The following NAV3 variants were observed in gnomAD, a reference collection of about 807,000 sequenced individuals.
The protein encoded by NAV3 is neuron navigator 3, also known as pore membrane and/or filament interacting like protein 1.
In NAV3, 87 loss-of-function variants were observed where a neutral mutation model predicts 244.7. That is an observed-to-expected ratio of 0.36 (90% confidence interval 0.30 to 0.42). NAV3 has a LOEUF of 0.42. Among genes scored for constraint, NAV3 ranks in the 20% least tolerant of loss-of-function variants. The pLI is 1.00. For synonymous variants in NAV3, 1,126 were observed against 1,042.2 expected, an observed-to-expected ratio of 1.08 and a Z score of -1.55; for missense variants, 2,663 against 2,893.3, an observed-to-expected ratio of 0.92 and a Z score of 1.83.
At chr12:78,194,665 G>A (rs147649653) in intron 34 of NAV3, among the ~76,000 whole-genome samples, 1 of 152,146 alleles carries the variant, frequency 6.6e-6, no homozygotes, top group Non-Finnish European at 1.5e-5. Flanking sequence ...GCCAAAAGGA[G>A]ATGTCCAGCG....
intron 2 of NAV3, among the ~76,000 whole-genome samples, chr12:77,687,901 A>G (rs920957471): frequency 6.6e-6 from 1 of 152,114 alleles, no homozygotes; most frequent in Non-Finnish European, 1.5e-5. Flanking sequence ...CCTTCAAAAT[A>G]CTTTTATAGA....
In NAV3 at chr12:78,007,110, C is replaced by T. The variant is rs557857297; in HGVS notation, c.1572C>T (p.Ser524=). Residue 524 remains serine (S), a synonymous_variant, in exon 8 of 40, where the codon TCC becomes TCT. Coordinates refer to ENST00000397909, the MANE Select transcript of NAV3 (RefSeq NM_001024383.2). ...AAKKESLIPS[S]SGIPKPGSKV... ...AGAAGGAAAGCTTAATTCCGTCTTC[C>T]AGTGGTATTCCAAAACCAGGCTCTA... The T allele has an allele frequency of 1.2e-6, 2 of 1,614,094 alleles. No homozygotes were observed. The highest frequency in any genetic ancestry group is 1.7e-6 in the Non-Finnish European group (2 of 1,180,028).
chr12:77,735,461 A>G (rs1877295349), intron 2 of NAV3, among the ~76,000 whole-genome samples: 1 of 152,070 alleles, frequency 6.6e-6, no homozygotes, highest in South Asian at 2.1e-4. Context: ...TGAACAACTT[A>G]AAGATAAGAA....
At chr12:77,931,968 A>T (rs1182000196) in intron 1 of NAV3, among the ~76,000 whole-genome samples, 1 of 152,064 alleles carries the variant, frequency 6.6e-6, no homozygotes, top group Non-Finnish European at 1.5e-5. Flanking sequence ...GTGATTCATT[A>T]TAGGCCATCC....
chr12:77,743,573 G>A (rs1290663211), intron 2 of NAV3, among the ~76,000 whole-genome samples: 3 of 151,798 alleles, frequency 2.0e-5, no homozygotes, highest in African/African-American at 7.2e-5. Context: ...TCATAAGTGA[G>A]TGGATGAACA....
chr12:77,700,543 A>G (rs1266774201), intron 2 of NAV3, among the ~76,000 whole-genome samples: 1 of 152,124 alleles, frequency 6.6e-6, no homozygotes, highest in Non-Finnish European at 1.5e-5. Flanking sequence ...TGTACTGGTG[A>G]AGATATCTAT....
chr12:77,654,152 A>T (rs1872957358), intron 2 of NAV3, among the ~76,000 whole-genome samples: 1 of 152,178 alleles, frequency 6.6e-6, no homozygotes, highest in Non-Finnish European at 1.5e-5. Flanking sequence ...AGGGCGAGGC[A>T]TTGCCTCACT....
chr12:77,634,235 C>T lies in NAV3; in HGVS notation c.72+61969C>T, dbSNP rs571485425. On this transcript the variant is annotated intron_variant, in intron 2 of 8. Transcript: ENST00000550042. ...AAAGCAGGTGCTCAGTAAACAGTGGCTCTTTTAATAACTTCTGATTGTACT... is the reference window on the plus strand; with the variant it reads ...AAAGCAGGTGCTCAGTAAACAGTGGTTCTTTTAATAACTTCTGATTGTACT... Among the ~76,000 whole-genome samples the T allele has an allele frequency of 1.3e-3, 198 of 152,100 alleles. 2 individuals are homozygous for T. The highest frequency in any genetic ancestry group is 4.7e-3 in the African/African-American group (195 of 41,498).
At chr12:77,812,694 C>T (rs983768578) in intron 2 of NAV3, among the ~76,000 whole-genome samples, 3 of 152,040 alleles carry the variant, frequency 2.0e-5, no homozygotes, top group Admixed American at 6.6e-5. Flanking sequence ...TCCCAAAGTG[C>T]TAGGATTACA....
chr12:77,821,669 A>G (rs1049468874), intron 2 of NAV3, among the ~76,000 whole-genome samples: 2 of 152,202 alleles, frequency 1.3e-5, no homozygotes, highest in Non-Finnish European at 2.9e-5. Context: ...TAAGCTTCAA[A>G]AATATGTGAA....
chr12:77,697,359 A>G lies in NAV3; in HGVS notation c.72+125093A>G, dbSNP rs1485979386. 3.3e-5 allele frequency among the ~76,000 whole-genome samples: 5 copies of G among 152,310 alleles called. No individual in the cohort carries two copies. In the East Asian group the frequency reaches 7.7e-4, roughly 24 times the overall value. On this transcript the variant is annotated intron_variant, in intron 2 of 8. Transcript: ENST00000550042. ...TGGCTTCAACTAACTGCCTAAGCACAGTGGCTGAAAGCACAGATGTTAGAG... is the reference window on the plus strand; with the variant it reads ...TGGCTTCAACTAACTGCCTAAGCACGGTGGCTGAAAGCACAGATGTTAGAG...
intron 1 of NAV3, among the ~76,000 whole-genome samples, chr12:77,879,541 G>A (rs994319634): frequency 2.8e-4 from 43 of 151,732 alleles, no homozygotes; most frequent in African/African-American, 1.0e-3. Flanking sequence ...TGGGTGTGGT[G>A]GTGGACACCT....
chr12:77,582,780 G>A (rs571079179), intron 2 of NAV3, among the ~76,000 whole-genome samples: 94 of 152,246 alleles, frequency 6.2e-4, no homozygotes, highest in Non-Finnish European at 1.1e-3. Context: ...ATTGGACCAA[G>A]TTCACATTTG....
chr12:77,774,547 G>T (rs1423276370), intron 2 of NAV3, among the ~76,000 whole-genome samples: 5 of 152,160 alleles, frequency 3.3e-5, no homozygotes, highest in African/African-American at 1.2e-4. Context: ...CCTCTAGATT[G>T]GGGATTATGA....
chr12:78,034,082 G>T (rs1879446106), intron 9 of NAV3, among the ~76,000 whole-genome samples: 1 of 152,220 alleles, frequency 6.6e-6, no homozygotes, highest in Non-Finnish European at 1.5e-5. Context: ...TAAACCATTT[G>T]TAAATGCAAT....
chr12:77,685,577 C>T (rs535383565), intron 2 of NAV3, among the ~76,000 whole-genome samples: 2 of 151,940 alleles, frequency 1.3e-5, no homozygotes, highest in South Asian at 4.2e-4. Flanking sequence ...TTTTATCTTT[C>T]ATATCTAATT....
chr12:78,140,718 A>G (rs1229024466), intron 20 of NAV3, among the ~76,000 whole-genome samples: 4 of 152,012 alleles, frequency 2.6e-5, no homozygotes, highest in Admixed American at 2.0e-4. Flanking sequence ...TAATTGTTCT[A>G]TAGTATTTTC....
chr12:77,762,583 C>A (rs969551181), intron 2 of NAV3, among the ~76,000 whole-genome samples: 14 of 151,392 alleles, frequency 9.2e-5, no homozygotes, highest in Admixed American at 9.2e-4. Flanking sequence ...AGCCTGGCAA[C>A]AGAGTGAGAC....
chr12:77,949,101 G>GA (rs369063833), intron 3 of NAV3, among the ~76,000 whole-genome samples: 333 of 152,040 alleles, frequency 2.2e-3, no homozygotes, highest in African/African-American at 7.3e-3. Flanking sequence ...GTTACACTCT[G>GA]AAAAATCGTA....
Sources: gnomAD v4.1 joint callset for allele counts (sites outside exome capture counted in the v4.1 genomes callset) on GRCh38, gnomAD v4.1.1 for gene constraint, MANE v1.5 for transcripts, NCBI Gene and HGNC (gene_info 2026-07-23, HGNC 2026-07-21) for gene names.